The following CAMK4 variants were observed in gnomAD, a reference collection of about 807,000 sequenced individuals.
CAMK4 encodes calcium/calmodulin-dependent protein kinase type IV.
A neutral mutation model predicts 44.9 loss-of-function variants in CAMK4; 22 were observed. The ratio of observed to expected loss-of-function variants is 0.49; its 90% confidence interval spans 0.35 to 0.70. The LOEUF (loss-of-function observed/expected upper bound fraction) is 0.70. Ranked by LOEUF, CAMK4 falls within the 30% of genes least tolerant of loss-of-function variation. The probability of loss-of-function intolerance (pLI) is 0.01; values close to 1 mark genes in which losing one functional copy is unlikely to be tolerated. For missense variants in CAMK4, 498 were observed against 586.8 expected, an observed-to-expected ratio of 0.85 and a Z score of 1.56; for synonymous variants, 218 against 215.4, an observed-to-expected ratio of 1.01 and a Z score of -0.11.
At chr5:111,390,545 A>G (rs1197704814) in intron 4 of CAMK4, among the ~76,000 whole-genome samples, 1 of 152,192 alleles carries the variant, frequency 6.6e-6, no homozygotes, top group Non-Finnish European at 1.5e-5. Flanking sequence ...GGTACCATCT[A>G]AGAAAAGTTT....
intron 5 of CAMK4, among the ~76,000 whole-genome samples, chr5:111,418,662 A>C (rs893572453): frequency 2.9e-5 from 4 of 137,076 alleles, no homozygotes; most frequent in Non-Finnish European, 4.5e-5. Context: ...CTCATTGTTC[A>C]ATTCCCACCT....
intron 1 of CAMK4, among the ~76,000 whole-genome samples, chr5:111,228,058 G>A (rs1748283688): frequency 2.0e-5 from 3 of 152,174 alleles, no homozygotes; most frequent in Admixed American, 2.0e-4. Flanking sequence ...CAGCCTGCTT[G>A]GTGGTGCAGA....
At chr5:111,374,399 A>G (rs1751130016) in intron 2 of CAMK4, among the ~76,000 whole-genome samples, 1 of 152,074 alleles carries the variant, frequency 6.6e-6, no homozygotes, top group Non-Finnish European at 1.5e-5. Flanking sequence ...TCCTAACCCT[A>G]TCACAATGGC....
chr5:111,313,256 C>G, intron 1 of CAMK4, among the ~76,000 whole-genome samples: 1 of 152,070 alleles, frequency 6.6e-6, no homozygotes, highest in African/African-American at 2.4e-5. Flanking sequence ...GTTATGATAA[C>G]AGAAATGCTT....
intron 1 of CAMK4, among the ~76,000 whole-genome samples, chr5:111,337,119 A>G (rs1387462226): frequency 6.6e-6 from 1 of 151,230 alleles, no homozygotes; most frequent in Non-Finnish European, 1.5e-5. Flanking sequence ...TTTGTAGTCA[A>G]TCCCTCTCCA....
At chr5:111,273,687 A>ATATATATATATATATT (rs1750619003) in intron 1 of CAMK4, among the ~76,000 whole-genome samples, 3 of 47,220 alleles carry the variant, frequency 6.4e-5, no homozygotes, top group Non-Finnish European at 1.0e-4. Context: ...TTATATATAT[A>ATATATATATATATATT]TATATATATA....
chr5:111,262,088 C>T (rs761755271), intron 1 of CAMK4, among the ~76,000 whole-genome samples: 2 of 150,492 alleles, frequency 1.3e-5, no homozygotes, highest in African/African-American at 2.5e-5. Context: ...ACTCTGCTGA[C>T]ATACCTTCAC....
chr5:111,287,565 G>A (rs933082248), intron 1 of CAMK4, among the ~76,000 whole-genome samples: 3 of 152,074 alleles, frequency 2.0e-5, no homozygotes, highest in Admixed American at 6.6e-5. Flanking sequence ...TTACTAATAC[G>A]ATAGTCATAT....
intron 2 of CAMK4, among the ~76,000 whole-genome samples, chr5:111,362,805 C>T (rs1251599335): frequency 6.6e-6 from 1 of 151,998 alleles, no homozygotes; most frequent in African/African-American, 2.4e-5. Flanking sequence ...CCATGGAGGG[C>T]ACAGAGGCAA....
chr5:111,425,737 C>T (rs1426215946), intron 5 of CAMK4, among the ~76,000 whole-genome samples: 1 of 152,028 alleles, frequency 6.6e-6, no homozygotes, highest in Non-Finnish European at 1.5e-5. Context: ...CCATAAACAC[C>T]AGAAAACACA....
At chr5:111,474,087 G>A (rs1176367293) in intron 8 of CAMK4, among the ~76,000 whole-genome samples, 2 of 151,942 alleles carry the variant, frequency 1.3e-5, no homozygotes, top group African/African-American at 2.4e-5. Flanking sequence ...GAATACTGTA[G>A]AACAACTAGA....
At chr5:111,368,059 CTTGGGCTAATTAGCCCAAG>C (rs1296563011) in intron 2 of CAMK4, among the ~76,000 whole-genome samples, 1 of 152,010 alleles carries the variant, frequency 6.6e-6, no homozygotes, top group Non-Finnish European at 1.5e-5. Context: ...TTCTAGGGAA[CTTGGGCTAATTAGCCCAAG>C]TTAAGATTTT....
intron 5 of CAMK4, among the ~76,000 whole-genome samples, chr5:111,416,145 C>T (rs780410913): frequency 3.0e-4 from 46 of 152,074 alleles, no homozygotes; most frequent in East Asian, 9.7e-4. Context: ...CTGGAATAAA[C>T]GTTAAATTCT....
chr5:111,467,373 CAAAAAA>C (rs34201915), intron 7 of CAMK4, among the ~76,000 whole-genome samples: 60 of 49,494 alleles, frequency 1.2e-3, no homozygotes, highest in African/African-American at 4.9e-3. Flanking sequence ...TTCTGCATAG[CAAAAAA>C]AAAAAAAAAA....
In CAMK4 at chr5:111,329,942, A is replaced by T. The variant is rs571177183; in HGVS notation, c.162-14082A>T. Among the ~76,000 whole-genome samples, 541 of 151,854 alleles carry T rather than the reference A, an allele frequency of 3.6e-3. 3 individuals are homozygous for T. The Middle Eastern group carries it at 0.037, about 11-fold the overall frequency. ...CTTTAAGATCAGGAATAAGGCAAGG[A>T]TATCTGCTCCCACTACTTCAATAGA... On this transcript the variant is annotated intron_variant, in intron 1 of 10. Coordinates refer to ENST00000282356, the MANE Select transcript of CAMK4 (RefSeq NM_001744.6).
chr5:111,311,208 A>C (rs1748187649), intron 1 of CAMK4, among the ~76,000 whole-genome samples: 1 of 152,116 alleles, frequency 6.6e-6, no homozygotes, highest in Admixed American at 6.5e-5. Flanking sequence ...GGTTGTAATT[A>C]GGTCCAAAGC....
At chr5:111,385,453 A>G (rs976266318) in intron 4 of CAMK4, among the ~76,000 whole-genome samples, 1 of 152,134 alleles carries the variant, frequency 6.6e-6, no homozygotes, top group Admixed American at 6.6e-5. Context: ...TGGGTAAAAT[A>G]TGAGCATCTT....
intron 1 of CAMK4, among the ~76,000 whole-genome samples, chr5:111,319,966 A>G (rs1251679333): frequency 6.6e-6 from 1 of 152,196 alleles, no homozygotes; most frequent in Non-Finnish European, 1.5e-5. Flanking sequence ...CAGAGGAGAT[A>G]TTAGGTATAG....
At chr5:111,258,817 AC>A (rs779858273) in intron 1 of CAMK4, among the ~76,000 whole-genome samples, 66 of 150,166 alleles carry the variant, frequency 4.4e-4, no homozygotes, top group Non-Finnish European at 8.9e-5. Context: ...TGTTATATGA[AC>A]TTGTTTACTT....
Sources: gnomAD v4.1 joint callset for allele counts (sites outside exome capture counted in the v4.1 genomes callset) on GRCh38, gnomAD v4.1.1 for gene constraint, MANE v1.5 for transcripts, NCBI Gene and HGNC (gene_info 2026-07-23, HGNC 2026-07-21) for gene names.